Variants in DKC1 observed in about 807,000 individuals in gnomAD.
DKC1 encodes H/ACA ribonucleoprotein complex subunit DKC1.
In DKC1, 4 loss-of-function variants were observed where a neutral mutation model predicts 46.7. That is an observed-to-expected ratio of 0.09 (90% CI 0.04 to 0.20). DKC1 has a LOEUF of 0.20. Among genes scored for constraint, DKC1 ranks in the 10% least tolerant of loss-of-function variants. The pLI is 1.00. For synonymous variants in DKC1, 141 were observed against 142.4 expected, an observed-to-expected ratio of 0.99 and a Z score of 0.07; for missense variants, 171 against 404.2, an observed-to-expected ratio of 0.42 and a Z score of 4.95.
At chrX:154,775,015 T>C (rs782698518) in intron 12 of DKC1, 180 bp from the exon 13 acceptor site, 2 of 594,456 alleles carry the variant, frequency 3.4e-6, no homozygotes, top group Admixed American at 4.4e-5. Flanking sequence ...CAGTTATCCC[T>C]TTCTAGTCTG....
At chrX:154,767,486 C>T in intron 7 of DKC1, 104 bp downstream of exon 7, 1 of 974,228 alleles carries the variant, frequency 1.0e-6, no homozygotes, top group Non-Finnish European at 1.5e-6. Context: ...AAAACCTGCC[C>T]TACAGCTGGG....
chrX:154,776,163 C>T, intron 13 of DKC1, 24 bp from the exon 14 acceptor site: 1 of 1,211,514 alleles, frequency 8.3e-7, no homozygotes, highest in Non-Finnish European at 1.1e-6. Context: ...AGATCTAACA[C>T]TTAACCAATT....
chrX:154,766,727 C>T (rs1256719117), intron 5 of DKC1, among the ~76,000 whole-genome samples: 1 of 111,278 alleles, frequency 9.0e-6, no homozygotes, highest in Non-Finnish European at 1.9e-5. Context: ...CTGAGAAAAG[C>T]CTGCTTATCT....
intron 4 of DKC1, 105 bp from the exon 5 acceptor site, chrX:154,766,111 C>T: frequency 2.0e-6 from 2 of 1,003,639 alleles, no homozygotes; most frequent in South Asian, 1.9e-5. Flanking sequence ...GAATATATAA[C>T]CTGTACCCGC....
intron 8 of DKC1, among the ~76,000 whole-genome samples, 186 bp from the exon 9 acceptor site, chrX:154,768,981 G>A (rs902621788): frequency 1.7e-4 from 13 of 77,492 alleles, no homozygotes; most frequent in Non-Finnish European, 2.3e-4. Context: ...GCGACAGAGC[G>A]AGACTCCGTC....
intron 2 of DKC1, 188 bp from the exon 3 acceptor site, chrX:154,765,255 TC>T (rs1375955938): frequency 5.7e-6 from 3 of 523,343 alleles, no homozygotes; most frequent in East Asian, 3.5e-5. Context: ...TTTGGACCCA[TC>T]TTAGTGACAT....
intron 11 of DKC1, among the ~76,000 whole-genome samples, chrX:154,773,708 C>T (rs782548937): frequency 4.9e-4 from 55 of 112,228 alleles, no homozygotes; most frequent in Non-Finnish European, 5.8e-4. Flanking sequence ...CTTCTCTCCA[C>T]ACAGACACGG....
intron 14 of DKC1, 82 bp from the exon 15 acceptor site, chrX:154,776,717 A>G: frequency 1.0e-6 from 1 of 986,424 alleles, no homozygotes; most frequent in Non-Finnish European, 1.4e-6. Context: ...TTGACTGTGG[A>G]CCTTTACCAG....
chrX:154,767,651 A>C (rs1394290310), intron 7 of DKC1, among the ~76,000 whole-genome samples: 1 of 111,199 alleles, frequency 9.0e-6, no homozygotes. Flanking sequence ...GCTTTGTTCA[A>C]AGGTAAGTGT....
intron 9 of DKC1, among the ~76,000 whole-genome samples, chrX:154,770,528 A>C (rs1221177787): frequency 1.8e-5 from 2 of 109,950 alleles, no homozygotes; most frequent in African/African-American, 6.6e-5. Flanking sequence ...AAAACCTGAA[A>C]GTCTTCTTTA....
chrX:154,770,664 C>A, intron 9 of DKC1, 95 bp from the exon 10 acceptor site: 9 of 1,125,215 alleles, frequency 8.0e-6, no homozygotes, highest in Non-Finnish European at 7.3e-6. Flanking sequence ...TTCCTGGTGT[C>A]AGGCCCCACT....
Position 154,768,406 on chromosome X carries a change from G to A in DKC1, c.745G>A (p.Val249Ile). Residue 249 changes from valine to isoleucine, a missense_variant, in exon 8 of 15, where the codon GTT (valine) becomes ATT (isoleucine). Coordinates refer to ENST00000369550, the MANE Select transcript of DKC1 (RefSeq NM_001363.5). Reference sequence around the variant, plus strand: ...TGGTCAGATGCAGGAGCTTCGGAGGGTTCGTTCTGGAGTCATGAGTGAAAA... The same window carrying A: ...TGGTCAGATGCAGGAGCTTCGGAGGATTCGTTCTGGAGTCATGAGTGAAAA... Reference protein sequence around the residue: ...VGGQMQELRRVRSGVMSEKDH... With the variant: ...VGGQMQELRRIRSGVMSEKDH... The A allele has an allele frequency of 8.3e-7, 1 of 1,211,235 alleles. No individual in the cohort carries two copies. Among genetic ancestry groups the A allele is most frequent in the Non-Finnish European group, 1.1e-6 (1 of 895,377 alleles).
At chrX:154,772,995 C>T (rs1348745329) in intron 10 of DKC1, 136 bp from the exon 11 acceptor site, 4 of 474,330 alleles carry the variant, frequency 8.4e-6, no homozygotes, top group Non-Finnish European at 1.5e-5. Context: ...ACATCCTGAG[C>T]AAAGGTAACC....
At position 154,762,904 on chromosome X, in the gene DKC1, C is replaced by T. The variant is rs1379931663; in HGVS notation, c.-62C>T. 6.1e-6 allele frequency: 7 copies of T among 1,155,873 alleles called. No individual in the cohort carries two copies. Among genetic ancestry groups the T allele is most frequent in the South Asian group, 1.9e-5 (1 of 52,481 alleles). On this transcript the variant is annotated 5_prime_UTR_variant, in exon 1 of 15. Transcript: ENST00000369550. ...GCGCGGCCTGACGGGACCAAGGCGGCGGGAGTCTGCGGTCGTTCCCTCGGC... is the reference window on the plus strand; with the variant it reads ...GCGCGGCCTGACGGGACCAAGGCGGTGGGAGTCTGCGGTCGTTCCCTCGGC...
intron 10 of DKC1, among the ~76,000 whole-genome samples, chrX:154,771,137 T>C (rs185114614): frequency 1.5e-4 from 16 of 109,728 alleles, no homozygotes; most frequent in Admixed American, 5.9e-4. Context: ...CGTTGTGCTA[T>C]TAAATAGTCT....
At chrX:154,766,042 A>C (rs1019814715) in intron 4 of DKC1, 44 bp downstream of exon 4, 3 of 1,099,828 alleles carry the variant, frequency 2.7e-6, no homozygotes, top group Non-Finnish European at 3.8e-6. Flanking sequence ...CTTTCTTTTG[A>C]AAATGCTTTC....
chrX:154,775,950 C>T (rs1024414238), intron 13 of DKC1, among the ~76,000 whole-genome samples: 3 of 112,175 alleles, frequency 2.7e-5, no homozygotes, highest in Non-Finnish European at 5.6e-5. Context: ...CACCCCAAGC[C>T]CCGTGCTGCT....
chrX:154,771,176 T>C (rs1557264912), intron 10 of DKC1, among the ~76,000 whole-genome samples: 1 of 105,772 alleles, frequency 9.5e-6, no homozygotes, highest in Non-Finnish European at 1.9e-5. Context: ...TTTTGGTTTT[T>C]TGGTGGTGGT....
At chrX:154,766,430 TA>T (rs781978651) in intron 5 of DKC1, 30 bp downstream of exon 5, 1 of 1,157,616 alleles carries the variant, frequency 8.6e-7, no homozygotes, top group East Asian at 3.0e-5. Context: ...AAGGACTGGC[TA>T]GAGTGAAAAG....
Sources: gnomAD v4.1 joint callset for allele counts (sites outside exome capture counted in the v4.1 genomes callset) on GRCh38, gnomAD v4.1.1 for gene constraint, MANE v1.5 for transcripts, NCBI Gene and HGNC (gene_info 2026-07-23, HGNC 2026-07-21) for gene names.